L3MBTL4: variants seen among roughly 807,000 people sequenced by gnomAD.
The protein encoded by L3MBTL4 is lethal(3)malignant brain tumor-like protein 4.
A neutral mutation model predicts 84.5 loss-of-function variants in L3MBTL4; 70 were observed. The ratio of observed to expected loss-of-function variants is 0.83; its 90% confidence interval spans 0.68 to 1.01. The LOEUF (loss-of-function observed/expected upper bound fraction) is 1.01, where lower values mean the gene tolerates loss of function less well. Among genes scored for constraint, L3MBTL4 ranks in the 50% least tolerant of loss-of-function variants. L3MBTL4 has a pLI of 0.00. For missense variants in L3MBTL4, 715 were observed against 754.8 expected, an observed-to-expected ratio of 0.95 and a Z score of 0.62; for synonymous variants, 274 against 259.8, an observed-to-expected ratio of 1.05 and a Z score of -0.52.
intron 5 of L3MBTL4, among the ~76,000 whole-genome samples, chr18:6,255,799 T>C (rs1369367432): frequency 7.7e-6 from 1 of 130,512 alleles, no homozygotes; most frequent in South Asian, 2.4e-4. Flanking sequence ...AAAAAAAGAA[T>C]AGGTAGACAA....
intron 1 of L3MBTL4, among the ~76,000 whole-genome samples, chr18:6,324,848 C>G (rs1485613730): frequency 6.6e-6 from 1 of 152,114 alleles, no homozygotes; most frequent in Non-Finnish European, 1.5e-5. Flanking sequence ...ACAGAACAAT[C>G]TACACAAAAA....
At chr18:6,026,223 A>G (rs1034795008) in intron 16 of L3MBTL4, among the ~76,000 whole-genome samples, 11 of 152,248 alleles carry the variant, frequency 7.2e-5, no homozygotes, top group Non-Finnish European at 1.5e-4. Flanking sequence ...GTCCTAGATT[A>G]GAAGAAAGGA....
rs191180272 is a variant in L3MBTL4, at chr18:6,273,625, G to A, written c.128-9587C>T. 3.0e-3 allele frequency among the ~76,000 whole-genome samples: 453 copies of A among 152,340 alleles called. 5 individuals are homozygous for A. The highest frequency in any genetic ancestry group is 0.01 in the African/African-American group (436 of 41,572). Reference sequence around the variant, plus strand: ...CAGGCGGTTACATTTGCGGACAGCTGGGGGCTGAAGAGGAGATGGCCAAGT... The same window carrying A: ...CAGGCGGTTACATTTGCGGACAGCTAGGGGCTGAAGAGGAGATGGCCAAGT... On this transcript the variant is annotated intron_variant, in intron 4 of 18. Transcript: ENST00000317931.
At chr18:6,309,806 A>G (rs1468081946) in intron 3 of L3MBTL4, among the ~76,000 whole-genome samples, 1 of 152,246 alleles carries the variant, frequency 6.6e-6, no homozygotes, top group Non-Finnish European at 1.5e-5. Context: ...TTAAAGAGAA[A>G]TGATACTGAC....
chr18:6,034,200 G>A (rs1041494055), intron 16 of L3MBTL4, among the ~76,000 whole-genome samples: 1 of 151,812 alleles, frequency 6.6e-6, no homozygotes, highest in African/African-American at 2.4e-5. Context: ...ACAATGTGCA[G>A]GTTAGTTACA....
chr18:6,004,118 T>C (rs58631610), intron 16 of L3MBTL4, among the ~76,000 whole-genome samples: 5,989 of 152,090 alleles, frequency 0.039, 165 homozygotes, highest in Admixed American at 0.089. Context: ...TTAGCAAAGT[T>C]GGCAAAACTT....
intron 14 of L3MBTL4, among the ~76,000 whole-genome samples, chr18:6,119,138 T>C (rs1265401079): frequency 6.6e-6 from 1 of 151,630 alleles, no homozygotes; most frequent in Non-Finnish European, 1.5e-5. Flanking sequence ...ATTACAATCA[T>C]ACCAAGTTAC....
chr18:6,230,107 C>T (rs1401452774), intron 10 of L3MBTL4, among the ~76,000 whole-genome samples: 1 of 152,020 alleles, frequency 6.6e-6, no homozygotes, highest in African/African-American at 2.4e-5. Flanking sequence ...TTCAGGCATA[C>T]ATGTGCAGGT....
At chr18:6,027,397 T>C (rs1182276978) in intron 16 of L3MBTL4, among the ~76,000 whole-genome samples, 6 of 152,248 alleles carry the variant, frequency 3.9e-5, no homozygotes, top group Admixed American at 1.3e-4. Flanking sequence ...TAGTATTCCA[T>C]GGTCCATATG....
At chr18:6,123,445 T>G (rs1194677679) in intron 14 of L3MBTL4, among the ~76,000 whole-genome samples, 1 of 152,146 alleles carries the variant, frequency 6.6e-6, no homozygotes, top group Admixed American at 6.5e-5. Flanking sequence ...GTTCTCATGA[T>G]AGTGAATAAT....
At position 5,974,625 on chromosome 18, in the gene L3MBTL4, C is replaced by T. The variant is rs662072; in HGVS notation, c.1445-5063G>A. 7.0e-3 allele frequency among the ~76,000 whole-genome samples: 1,071 copies of T among 152,178 alleles called. 11 individuals are homozygous for T. The highest frequency in any genetic ancestry group is 0.037 in the Middle Eastern group (11 of 294). ...CCAGTGAAACGACCAAACAGACTTG[C>T]GACACGAGGCAGAGCACCGTCTGCT... On this transcript the variant is annotated intron_variant, in intron 16 of 18. Coordinates refer to ENST00000317931, the MANE Select transcript of L3MBTL4 (RefSeq NM_001330559.2).
At chr18:6,344,957 C>T (rs1436020945) in intron 1 of L3MBTL4, among the ~76,000 whole-genome samples, 3 of 151,898 alleles carry the variant, frequency 2.0e-5, no homozygotes, top group Admixed American at 2.0e-4. Flanking sequence ...TGCCCACTCT[C>T]GACATGGTAC....
At chr18:6,306,240 A>C (rs1946754) in intron 3 of L3MBTL4, among the ~76,000 whole-genome samples, 28,836 of 152,172 alleles carry the variant, frequency 0.19, 2,867 homozygotes, top group African/African-American at 0.23. Flanking sequence ...TGCCTATTGG[A>C]TAAAAGTAAA....
At chr18:5,970,750 G>T (rs539642623) in intron 16 of L3MBTL4, among the ~76,000 whole-genome samples, 1 of 152,190 alleles carries the variant, frequency 6.6e-6, no homozygotes. Flanking sequence ...TTTACTAACA[G>T]AATCTGAAAA....
chr18:6,263,404 T>A (rs1025591159), intron 5 of L3MBTL4, among the ~76,000 whole-genome samples: 8 of 152,052 alleles, frequency 5.3e-5, no homozygotes, highest in Admixed American at 5.2e-4. Context: ...TGGGTAAAGA[T>A]GATCCCCTGT....
At chr18:6,370,642 G>A (rs1568566406) in intron 1 of L3MBTL4, among the ~76,000 whole-genome samples, 1 of 152,106 alleles carries the variant, frequency 6.6e-6, no homozygotes, top group Non-Finnish European at 1.5e-5. Flanking sequence ...AGTCACCTAA[G>A]TTAAATGTGT....
In L3MBTL4 at chr18:6,239,892, G is replaced by C. The variant is rs750029366; in HGVS notation, c.553-20C>G. 2.5e-6 allele frequency: 4 copies of C among 1,613,478 alleles called. No individual in the cohort carries two copies. The African/African-American group carries it at 4.0e-5, about 16-fold the overall frequency. On this transcript the variant is annotated intron_variant, in intron 8 of 18. Coordinates refer to ENST00000317931, the MANE Select transcript of L3MBTL4 (RefSeq NM_001330559.2). ...CCCATTCTAACGCAGCACCAGCAGGGGAAGAAGCACAAAAAGAAACAGGAC... is the reference window on the plus strand; with the variant it reads ...CCCATTCTAACGCAGCACCAGCAGGCGAAGAAGCACAAAAAGAAACAGGAC...
At chr18:6,324,329 T>C (rs1222081713) in intron 1 of L3MBTL4, among the ~76,000 whole-genome samples, 1 of 152,212 alleles carries the variant, frequency 6.6e-6, no homozygotes, top group African/African-American at 2.4e-5. Flanking sequence ...CTAGTGGAGC[T>C]ATGAGAAGAA....
chr18:6,197,413 T>C (rs937160811), intron 12 of L3MBTL4, among the ~76,000 whole-genome samples: 15 of 152,196 alleles, frequency 9.9e-5, no homozygotes, highest in African/African-American at 3.6e-4. Flanking sequence ...GGCTTCCAGC[T>C]CCATCCATGT....
Sources: allele counts gnomAD v4.1 joint callset (sites outside exome capture counted in the v4.1 genomes callset), GRCh38; gene constraint gnomAD v4.1.1; transcripts MANE v1.5; gene names NCBI Gene and HGNC (gene_info 2026-07-23, HGNC 2026-07-21).